The following VPS13D variants were observed in gnomAD, a reference collection of about 807,000 sequenced individuals.
VPS13D encodes intermembrane lipid transfer protein VPS13D.
In VPS13D, 187 loss-of-function variants were observed where a neutral mutation model predicts 461.9. The ratio of observed to expected loss-of-function variants is 0.40; its 90% CI spans 0.36 to 0.46. The LOEUF (loss-of-function observed/expected upper bound fraction) is 0.46. Among genes scored for constraint, VPS13D ranks in the 20% least tolerant of loss-of-function variants. The pLI, the probability that VPS13D is intolerant of heterozygous loss-of-function variation, is 0.60. For missense variants in VPS13D, 4,711 were observed against 5,364.9 expected, an observed-to-expected ratio of 0.88 and a Z score of 3.81; for synonymous variants, 1,951 against 1,986.3, an observed-to-expected ratio of 0.98 and a Z score of 0.47.
chr1:12,346,169 C>T (rs573543522), intron 43 of VPS13D, among the ~76,000 whole-genome samples: 12 of 152,318 alleles, frequency 7.9e-5, no homozygotes, highest in Admixed American at 2.6e-4. Flanking sequence ...GAAATGCAGA[C>T]GTGCAGAGAT....
chr1:12,280,669 A>G (rs1484522456), intron 20 of VPS13D, among the ~76,000 whole-genome samples: 2 of 151,850 alleles, frequency 1.3e-5, no homozygotes, highest in Non-Finnish European at 2.9e-5. Context: ...TTGTATTTTT[A>G]GTAGAGACGG....
intron 20 of VPS13D, among the ~76,000 whole-genome samples, chr1:12,281,761 G>A (rs1024529168): frequency 1.3e-5 from 2 of 151,926 alleles, no homozygotes; most frequent in African/African-American, 4.8e-5. Context: ...GAACTTCGAT[G>A]GCACACATTA....
At position 12,260,763 on chromosome 1, in the gene VPS13D, A is replaced by T; in HGVS notation, c.1181A>T (p.Asp394Val). 6.2e-7 allele frequency: 1 copy of T among 1,614,198 alleles called. No individual in the cohort carries two copies. Among genetic ancestry groups the T allele is most frequent in the Middle Eastern group, 1.6e-4 (1 of 6,062 alleles). ...ELKILRELVH[D>V]RFHKQEELAE... ...AAGATTTTGCGTGAACTGGTTCATG[A>T]TCGATTTCACAAACAGGAAGAACTA... Residue 394 changes from aspartate to valine, a missense_variant, in exon 11 of 70, where the codon GAT becomes GTT. Asp to Val is a radical substitution (Grantham distance 152, BLOSUM62 -3). Coordinates refer to ENST00000620676, the MANE Select transcript of VPS13D (RefSeq NM_015378.4).
At chr1:12,334,771 A>G (rs1346192812) in intron 38 of VPS13D, among the ~76,000 whole-genome samples, 1 of 152,196 alleles carries the variant, frequency 6.6e-6, no homozygotes, top group East Asian at 1.9e-4. Context: ...TCTCTAAGAA[A>G]CCAACCAAAC....
At chr1:12,311,675 G>T (rs749170579) in intron 28 of VPS13D, 50 bp downstream of exon 28, 2 of 1,604,772 alleles carry the variant, frequency 1.2e-6, no homozygotes, top group Admixed American at 1.7e-5. Context: ...TCAGCTGACG[G>T]TCACCCTGTG....
intron 10 of VPS13D, among the ~76,000 whole-genome samples, chr1:12,259,768 G>A (rs566963187): frequency 3.1e-4 from 47 of 152,254 alleles, no homozygotes; most frequent in African/African-American, 1.1e-3. Context: ...ATGTAGCTGG[G>A]TATCATGGTT....
In VPS13D at chr1:12,416,747, G is replaced by C; in HGVS notation, c.12253G>C (p.Val4085Leu). 6.2e-7 allele frequency: 1 copy of C among 1,614,052 alleles called. No individual in the cohort carries two copies. Among genetic ancestry groups the C allele is most frequent in the South Asian group, 1.1e-5 (1 of 91,078 alleles). ...GCTTTTGAATGATGTTTCTGAAGGGGTTACTGGACTGATAAAATATGGAAA... is the reference window on the plus strand; with the variant it reads ...GCTTTTGAATGATGTTTCTGAAGGGCTTACTGGACTGATAAAATATGGAAA... ...MGLLNDVSEG[V>L]TGLIKYGNVG... Residue 4085 changes from valine (V) to leucine (L), a missense_variant, in exon 65 of 70, where the codon GTT becomes CTT. This residue lies in a region of VPS13D where 106 missense variants were observed against 206.2 expected (regional missense o/e 0.51). Coordinates refer to ENST00000620676, the MANE Select transcript of VPS13D (RefSeq NM_015378.4).
intron 26 of VPS13D, among the ~76,000 whole-genome samples, chr1:12,305,733 A>G (rs1283936233): frequency 2.0e-5 from 3 of 152,306 alleles, no homozygotes; most frequent in Non-Finnish European, 2.9e-5. Flanking sequence ...GCAGGACACT[A>G]GCTGAGAGAG....
At position 12,335,359 on chromosome 1, in the gene VPS13D, G is replaced by A. The variant is rs1025437865; in HGVS notation, c.8429-346G>A. Among the ~76,000 whole-genome samples, 6 of 152,178 alleles carry A rather than the reference G, an allele frequency of 3.9e-5. No individual in the cohort carries two copies. In the East Asian group the frequency reaches 7.7e-4, roughly 20 times the overall value. ...TGAGATTACAGGCGTGAGCCACCGC[G>A]TCCGGCCTCCATATAAATTTTAGAT... is the stretch of plus-strand genomic sequence containing the variant. On this transcript the variant is annotated intron_variant, in intron 38 of 69. Transcript: ENST00000620676.
chr1:12,413,185 G>C (rs1644751130), intron 63 of VPS13D, among the ~76,000 whole-genome samples: 1 of 151,840 alleles, frequency 6.6e-6, no homozygotes, highest in Admixed American at 6.6e-5. Context: ...TTGTTTGTTT[G>C]TTTTTGTTTT....
At chr1:12,386,361 G>A (rs542117113) in intron 60 of VPS13D, 27 bp downstream of exon 60, 2 of 1,565,838 alleles carry the variant, frequency 1.3e-6, no homozygotes, top group African/African-American at 1.4e-5. Flanking sequence ...AAAGCTGTTA[G>A]TCACCTTGTT....
At chr1:12,247,691 T>C (rs1166448458) in intron 5 of VPS13D, among the ~76,000 whole-genome samples, 1 of 151,246 alleles carries the variant, frequency 6.6e-6, no homozygotes, top group Non-Finnish European at 1.5e-5. Context: ...TCTATTTGAA[T>C]CCTTTGCCAC....
In VPS13D at chr1:12,268,864, G is replaced by C. The variant is rs1224264849; in HGVS notation, c.1960G>C (p.Val654Leu). Residue 654 changes from valine (V) to leucine (L), a missense_variant, in exon 16 of 70, where the codon GTT (valine) becomes CTT (leucine). Val to Leu is a conservative substitution (Grantham distance 32). Coordinates refer to ENST00000620676, the MANE Select transcript of VPS13D (RefSeq NM_015378.4). ...AGCAGACTTTTTCTACAAGGGAAAG[G>C]TTCATACCTCAGGTTAACTTTTTTG... Reference protein sequence around the residue: ...KVADFFYKGKVHTSGFGYQSE... With the variant: ...KVADFFYKGKLHTSGFGYQSE... 6.2e-7 allele frequency: 1 copy of C among 1,605,218 alleles called. No homozygotes were observed. The highest frequency in any genetic ancestry group is 1.3e-5 in the African/African-American group (1 of 74,252).
At position 12,275,910 on chromosome 1, in the gene VPS13D, A is replaced by T. The variant is rs745703030; in HGVS notation, c.2322A>T (p.Thr774=). The part of the protein sequence containing the change: ...SDDEYKTPLA[T]PPNTPPPESS... Reference sequence around the variant, plus strand: ...ATGAATATAAGACCCCCCTGGCCACACCTCCTAACACCCCACCTCCCGAGT... The same window carrying T: ...ATGAATATAAGACCCCCCTGGCCACTCCTCCTAACACCCCACCTCCCGAGT... Residue 774 remains threonine (T), a synonymous_variant, in exon 19 of 70, where the codon ACA becomes ACT. Transcript: ENST00000620676. 6.2e-7 allele frequency: 1 copy of T among 1,613,810 alleles called. No individual in the cohort carries two copies. The highest frequency in any genetic ancestry group is 1.1e-5 in the South Asian group (1 of 91,056).
At chr1:12,403,641 T>C (rs570854843) in intron 62 of VPS13D, among the ~76,000 whole-genome samples, 184 bp from the exon 63 acceptor site, 24 of 152,264 alleles carry the variant, frequency 1.6e-4, no homozygotes, top group African/African-American at 5.1e-4. Flanking sequence ...ACAAAACAGA[T>C]CTACTCTTAC....
intron 37 of VPS13D, 22 bp downstream of exon 37, chr1:12,329,940 T>C (rs571881082): frequency 3.2e-6 from 5 of 1,579,446 alleles, no homozygotes; most frequent in Non-Finnish European, 4.3e-6. Context: ...GCATATGTTA[T>C]CATGGGATTT....
chr1:12,353,045 A>G (rs542475476), intron 46 of VPS13D, among the ~76,000 whole-genome samples: 37 of 151,504 alleles, frequency 2.4e-4, no homozygotes, highest in African/African-American at 8.9e-4. Context: ...AAATGAAGAT[A>G]TATGTCCAAA....
At chr1:12,314,723 G>A (rs1642844111) in intron 30 of VPS13D, among the ~76,000 whole-genome samples, 1 of 152,188 alleles carries the variant, frequency 6.6e-6, no homozygotes. Flanking sequence ...ACCCATTCAA[G>A]TCTTACTGAC....
chr1:12,468,379 A>G (rs1405563168), intron 67 of VPS13D, among the ~76,000 whole-genome samples: 3 of 152,222 alleles, frequency 2.0e-5, no homozygotes, highest in Non-Finnish European at 2.9e-5. Context: ...TTACAGAATC[A>G]TCCACCTTTG....
Sources: allele counts gnomAD v4.1 joint callset (sites outside exome capture counted in the v4.1 genomes callset), GRCh38; gene constraint gnomAD v4.1.1; regional missense constraint gnomAD v4.1.1; transcripts MANE v1.5; gene names NCBI Gene and HGNC (gene_info 2026-07-23, HGNC 2026-07-21).